Variants in ME3 observed in about 807,000 individuals in gnomAD.
ME3 encodes malic enzyme 3, also known as NADP-dependent malic enzyme, mitochondrial.
In ME3, 48 loss-of-function variants were observed where a neutral mutation model predicts 68.9. That is an observed-to-expected ratio of 0.70 (90% CI 0.55 to 0.89). The LOEUF (loss-of-function observed/expected upper bound fraction) is 0.89. ME3 is among the 40% of genes least tolerant of loss of function. ME3 has a pLI of 0.00. For synonymous variants in ME3, 320 were observed against 318.8 expected (o/e 1.00, Z -0.04); for missense variants, 675 against 797.4 (o/e 0.85, Z 1.85).
intron 2 of ME3, among the ~76,000 whole-genome samples, chr11:86,561,867 T>G (rs1003037470): frequency 6.6e-6 from 1 of 152,306 alleles, no homozygotes; most frequent in East Asian, 1.9e-4. Context: ...TGTAATACAA[T>G]TAGATTCTCT....
chr11:86,621,024 G>A (rs1478837392), intron 2 of ME3, among the ~76,000 whole-genome samples: 2 of 152,242 alleles, frequency 1.3e-5, no homozygotes, highest in East Asian at 3.9e-4. Flanking sequence ...AGTAAGGTCT[G>A]GGTTGGGATC....
chr11:86,562,077 C>T (rs769667776), intron 2 of ME3, among the ~76,000 whole-genome samples: 4 of 152,172 alleles, frequency 2.6e-5, no homozygotes, highest in Non-Finnish European at 5.9e-5. Flanking sequence ...GTTCATCTCT[C>T]TTTCCTTCCC....
At chr11:86,607,561 C>A (rs1016145043) in intron 2 of ME3, among the ~76,000 whole-genome samples, 1 of 148,742 alleles carries the variant, frequency 6.7e-6, no homozygotes, top group Non-Finnish European at 1.5e-5. Context: ...CCTGTAAAGT[C>A]TTGCAGAATC....
intron 7 of ME3, among the ~76,000 whole-genome samples, chr11:86,473,618 A>T (rs1380072292): frequency 6.6e-6 from 1 of 152,138 alleles, no homozygotes; most frequent in Non-Finnish European, 1.5e-5. Context: ...AATGGGAAGA[A>T]GACACAGTCA....
intron 4 of ME3, among the ~76,000 whole-genome samples, chr11:86,516,957 A>T (rs1411347468): frequency 1.3e-5 from 2 of 152,144 alleles, no homozygotes; most frequent in African/African-American, 4.8e-5. Flanking sequence ...GCAGAGAGGG[A>T]AGGGAATGGT....
At chr11:86,562,125 T>C (rs1957267157) in intron 2 of ME3, among the ~76,000 whole-genome samples, 1 of 152,214 alleles carries the variant, frequency 6.6e-6, no homozygotes, top group South Asian at 2.1e-4. Flanking sequence ...TTACTGACTC[T>C]ACATTTTCAT....
intron 7 of ME3, among the ~76,000 whole-genome samples, chr11:86,468,428 A>G (rs1950602737): frequency 6.6e-6 from 1 of 152,034 alleles, no homozygotes; most frequent in South Asian, 2.1e-4. Context: ...TCATCCATCC[A>G]TCCTTGATTT....
chr11:86,563,338 T>C (rs1224897386), intron 2 of ME3, among the ~76,000 whole-genome samples: 1 of 152,174 alleles, frequency 6.6e-6, no homozygotes, highest in Non-Finnish European at 1.5e-5. Flanking sequence ...GTATCTGTTG[T>C]TTATTGACTT....
At chr11:86,526,367 C>A (rs141738921) in intron 4 of ME3, among the ~76,000 whole-genome samples, 1 of 152,102 alleles carries the variant, frequency 6.6e-6, no homozygotes, top group Non-Finnish European at 1.5e-5. Context: ...ACAAAGCAGC[C>A]GGGAAGCTCG....
At chr11:86,564,477 C>CG (rs1957386612) in intron 2 of ME3, among the ~76,000 whole-genome samples, 1 of 28,208 alleles carries the variant, frequency 3.5e-5, no homozygotes, top group Admixed American at 5.0e-4. Flanking sequence ...AAAAAAAAAA[C>CG]AGTGTGGGAC....
intron 2 of ME3, among the ~76,000 whole-genome samples, chr11:86,578,686 G>A (rs1447664711): frequency 6.6e-6 from 1 of 152,150 alleles, no homozygotes; most frequent in African/African-American, 2.4e-5. Flanking sequence ...GGACCATTGT[G>A]GTGCACAGGA....
chr11:86,546,393 GA>G (rs1220137053), intron 4 of ME3, among the ~76,000 whole-genome samples: 1 of 152,112 alleles, frequency 6.6e-6, no homozygotes, highest in African/African-American at 2.4e-5. Flanking sequence ...CAGAATGGGA[GA>G]AAAATTTTGC....
At chr11:86,493,531 G>A (rs1194291098) in intron 6 of ME3, among the ~76,000 whole-genome samples, 8 of 152,226 alleles carry the variant, frequency 5.3e-5, no homozygotes, top group African/African-American at 1.4e-4. Flanking sequence ...GGGGTTGAAC[G>A]AGATGGTACT....
At chr11:86,561,071 G>T (rs1465232769) in intron 2 of ME3, among the ~76,000 whole-genome samples, 5 of 152,012 alleles carry the variant, frequency 3.3e-5, no homozygotes, top group Non-Finnish European at 5.9e-5. Flanking sequence ...TACGGACCTT[G>T]ATCAGTGGCC....
chr11:86,514,413 G>A (rs1953747823), intron 4 of ME3, among the ~76,000 whole-genome samples: 1 of 152,150 alleles, frequency 6.6e-6, no homozygotes, highest in African/African-American at 2.4e-5. Context: ...CTCAGGAGGT[G>A]CTCCTACCTA....
rs1949074070 is a variant in ME3 at position 86,442,809 on chromosome 11, G to A, written c.1653+12C>T. 7 of 1,593,946 alleles carry A rather than the reference G, an allele frequency of 4.4e-6. No individual in the cohort carries two copies. The Admixed American group carries it at 1.0e-4, about 23-fold the overall frequency. ...CTCACTACCCATATTACAGGGGTAG[G>A]ATGCCCCTTACTTTGATGGCAATTC... On this transcript the variant is annotated intron_variant, in intron 14 of 14. Coordinates refer to ENST00000543262, the Ensembl canonical transcript of ME3.
At chr11:86,623,842 A>T (rs1467940323) in intron 2 of ME3, among the ~76,000 whole-genome samples, 1 of 152,112 alleles carries the variant, frequency 6.6e-6, no homozygotes. Context: ...TCCCCTCTGG[A>T]GATTATGAAT....
chr11:86,528,253 CAAAG>C (rs1422712419), intron 4 of ME3, among the ~76,000 whole-genome samples: 9 of 152,222 alleles, frequency 5.9e-5, no homozygotes, highest in South Asian at 2.1e-4. Flanking sequence ...TCAAAAGAGA[CAAAG>C]AAGGCCATTA....
intron 2 of ME3, among the ~76,000 whole-genome samples, chr11:86,657,824 G>T (rs1946006564): frequency 6.6e-6 from 1 of 152,162 alleles, no homozygotes; most frequent in African/African-American, 2.4e-5. Flanking sequence ...AAGAATCATA[G>T]CTGGCAAGCT....
Sources: gnomAD v4.1 joint callset for allele counts (sites outside exome capture counted in the v4.1 genomes callset) on GRCh38, gnomAD v4.1.1 for gene constraint, MANE v1.5 for transcripts, NCBI Gene and HGNC (gene_info 2026-07-23, HGNC 2026-07-21) for gene names.